Variants in NRCAM observed in about 807,000 individuals in gnomAD.
The protein encoded by NRCAM is neuronal cell adhesion molecule, also known as NgCAM-related cell adhesion molecule.
A neutral mutation model predicts 156.5 loss-of-function variants in NRCAM; 83 were observed. The observed-to-expected ratio is 0.53, with a 90% CI of 0.44 to 0.64. The LOEUF (loss-of-function observed/expected upper bound fraction) is 0.64. Ranked by LOEUF, NRCAM falls within the 30% of genes least tolerant of loss-of-function variation. NRCAM has a pLI of 0.00. For synonymous variants in NRCAM, 538 were observed against 563.9 expected, an observed-to-expected ratio of 0.95 and a Z score of 0.65; for missense variants, 1,417 against 1,597.3, an observed-to-expected ratio of 0.89 and a Z score of 1.92.
chr7:108,305,250 A>G (rs1031807593), intron 3 of NRCAM, among the ~76,000 whole-genome samples: 1 of 152,238 alleles, frequency 6.6e-6, no homozygotes, highest in African/African-American at 2.4e-5. Flanking sequence ...CTGTTTTTGC[A>G]TTAAAGAATA....
intron 28 of NRCAM, among the ~76,000 whole-genome samples, chr7:108,170,180 A>G (rs2057574784): frequency 6.6e-6 from 1 of 152,098 alleles, no homozygotes; most frequent in Non-Finnish European, 1.5e-5. Context: ...TACCATATAT[A>G]TATATATTTA....
intron 3 of NRCAM, among the ~76,000 whole-genome samples, chr7:108,263,062 A>T (rs1201132837): frequency 2.6e-5 from 4 of 152,178 alleles, no homozygotes; most frequent in East Asian, 1.9e-4. Flanking sequence ...ACCCATGGAG[A>T]CCACTGACAC....
chr7:108,156,814 A>C (rs62469172), intron 32 of NRCAM, among the ~76,000 whole-genome samples: 24,242 of 152,170 alleles, frequency 0.16, 2,566 homozygotes, highest in African/African-American at 0.31. Flanking sequence ...AGAGACAGGA[A>C]CCTGGTGATC....
chr7:108,299,335 G>C (rs1342249827), intron 3 of NRCAM, among the ~76,000 whole-genome samples: 2 of 151,760 alleles, frequency 1.3e-5, no homozygotes, highest in African/African-American at 4.8e-5. Context: ...GGAAAGAAGA[G>C]GTGGCATGGG....
At position 108,369,300 on chromosome 7, in the gene NRCAM, CTTAA is replaced by C. The variant is rs142247623; in HGVS notation, c.-174+30132_-174+30135del. Among the ~76,000 whole-genome samples the C allele has an allele frequency of 7.6e-3, 1,160 of 151,962 alleles. 5 individuals carry two copies. Among genetic ancestry groups the C allele is most frequent in the African/African-American group, 0.026 (1,095 of 41,478 alleles). On this transcript the variant is annotated intron_variant, in intron 2 of 32. Transcript: ENST00000379028. The stretch of plus-strand genomic sequence containing the variant: ...TACATTTTGACACTAATATATAATT[CTTAA>C]TTATTTACCTTAGCAAATTTGTACA...
rs930865362 is a variant in NRCAM, at chr7:108,347,148, C to T, written c.-173-34417G>A. 6.7e-5 allele frequency among the ~76,000 whole-genome samples: 10 copies of T among 149,998 alleles called. No individual in the cohort carries two copies. In the South Asian group the frequency reaches 8.5e-4, roughly 13 times the overall value. On this transcript the variant is annotated intron_variant, in intron 2 of 32. Transcript: ENST00000379028. ...TGCCTCCCGGGTTCATGCCACTCTCCTGCCTCAGCCTCCCAAGTAGCTGGG... is the reference window on the plus strand; with the variant it reads ...TGCCTCCCGGGTTCATGCCACTCTCTTGCCTCAGCCTCCCAAGTAGCTGGG...
chr7:108,232,145 T>C (rs1296165488), intron 7 of NRCAM, among the ~76,000 whole-genome samples, 181 bp downstream of exon 7: 3 of 152,090 alleles, frequency 2.0e-5, no homozygotes, highest in East Asian at 1.9e-4. Context: ...TGGTAAAGCA[T>C]TGGACTAAGG....
intron 2 of NRCAM, among the ~76,000 whole-genome samples, chr7:108,323,696 T>C (rs1182997851): frequency 6.6e-6 from 1 of 152,180 alleles, no homozygotes; most frequent in Non-Finnish European, 1.5e-5. Context: ...CAATAGCTTA[T>C]ATTCTAGTGG....
In NRCAM at chr7:108,347,032, G is replaced by GTTTTTTT. The variant is rs754160030; in HGVS notation, c.-173-34308_-173-34302dup. Reference sequence around the variant, plus strand: ...CATATGTGACTCATATTATATTTCTGTTTTTTTTTTTTTTTTTTTTTTTGA... The same window carrying GTTTTTTT: ...CATATGTGACTCATATTATATTTCTGTTTTTTTTTTTTTTTTTTTTTTTTTTTTTTGA... On this transcript the variant is annotated intron_variant, in intron 2 of 32. Coordinates refer to ENST00000379028, the MANE Select transcript of NRCAM (RefSeq NM_001037132.4). Among the ~76,000 whole-genome samples the GTTTTTTT allele has an allele frequency of 8.2e-4, 68 of 83,046 alleles. 2 individuals are homozygous for GTTTTTTT. Among genetic ancestry groups the GTTTTTTT allele is most frequent in the Non-Finnish European group, 1.0e-3 (48 of 47,458 alleles). The allele number at this position is 83,046 out of a possible 152,430, so 54.5% of individuals were successfully genotyped here.
intron 2 of NRCAM, among the ~76,000 whole-genome samples, chr7:108,344,430 T>C (rs969688488): frequency 5.9e-5 from 9 of 152,114 alleles, no homozygotes; most frequent in Non-Finnish European, 4.4e-5. Context: ...ATGGCTATGC[T>C]CTTCGGGTCC....
At chr7:108,393,872 G>A (rs966208618) in intron 2 of NRCAM, among the ~76,000 whole-genome samples, 1 of 152,180 alleles carries the variant, frequency 6.6e-6, no homozygotes, top group African/African-American at 2.4e-5. Flanking sequence ...CATGGCCCAC[G>A]TATGGTGATT....
chr7:108,402,157 T>C (rs934164820), intron 1 of NRCAM, among the ~76,000 whole-genome samples: 1 of 152,232 alleles, frequency 6.6e-6, no homozygotes, highest in Non-Finnish European at 1.5e-5. Flanking sequence ...CTGAAATCTC[T>C]GGAACATCAT....
chr7:108,244,409 A>G (rs1467699716), intron 3 of NRCAM, among the ~76,000 whole-genome samples: 2 of 152,212 alleles, frequency 1.3e-5, no homozygotes, highest in Non-Finnish European at 2.9e-5. Context: ...ATTTTTCAGC[A>G]GTCAACTTGG....
chr7:108,297,919 G>A (rs1438052359), intron 3 of NRCAM, among the ~76,000 whole-genome samples: 2 of 152,158 alleles, frequency 1.3e-5, no homozygotes, highest in African/African-American at 4.8e-5. Flanking sequence ...ATGGGGATAT[G>A]TGCAGGAAGA....
At chr7:108,187,098 T>A (rs1027001283) in intron 20 of NRCAM, among the ~76,000 whole-genome samples, 9 of 152,220 alleles carry the variant, frequency 5.9e-5, no homozygotes, top group Admixed American at 5.2e-4. Context: ...AGTGCACAGT[T>A]TGGGAACCAT....
intron 32 of NRCAM, chr7:108,159,178 G>A: frequency 1.8e-6 from 1 of 567,054 alleles, no homozygotes; most frequent in Non-Finnish European, 3.3e-6. Flanking sequence ...GTAGCATATT[G>A]GCTTTGCTAG....
At chr7:108,226,505 C>T in intron 8 of NRCAM, 127 bp from the exon 9 acceptor site, 2 of 534,292 alleles carry the variant, frequency 3.7e-6, no homozygotes, top group East Asian at 6.1e-5. Context: ...CTCTATATAG[C>T]TCTTTGGGTA....
intron 1 of NRCAM, among the ~76,000 whole-genome samples, chr7:108,421,899 G>C (rs1336406759): frequency 6.6e-6 from 1 of 152,196 alleles, no homozygotes; most frequent in Non-Finnish European, 1.5e-5. Context: ...ACTTAATTCT[G>C]TTTGTCTAAC....
At chr7:108,217,886 A>G (rs865785474) in intron 11 of NRCAM, among the ~76,000 whole-genome samples, 1 of 152,106 alleles carries the variant, frequency 6.6e-6, no homozygotes. Context: ...GAGCTAGATC[A>G]CTTGGCTCCC....
Sources: allele counts gnomAD v4.1 joint callset (sites outside exome capture counted in the v4.1 genomes callset), GRCh38; gene constraint gnomAD v4.1.1; transcripts MANE v1.5; gene names NCBI Gene and HGNC (gene_info 2026-07-23, HGNC 2026-07-21).